The following TTN variants were observed in gnomAD, a reference collection of about 807,000 sequenced individuals.
TTN encodes the protein connectin.
Under a neutral mutation model 3,223.0 loss-of-function variants are expected in TTN, and 1,525 were observed. That is an observed-to-expected ratio of 0.47 (90% CI 0.45 to 0.49). The LOEUF is 0.49. Among genes scored for constraint, TTN ranks in the 20% least tolerant of loss-of-function variants. The pLI is 0.00. For missense variants in TTN, 40,786 were observed against 43,424.0 expected (o/e 0.94, Z 5.40); for synonymous variants, 14,094 against 15,161.0 (o/e 0.93, Z 5.17).
intron 275 of TTN, 34 bp from the exon 276 acceptor site, chr2:178,608,115 C>T (rs1305640239): frequency 6.2e-7 from 1 of 1,606,492 alleles, no homozygotes; most frequent in South Asian, 1.1e-5. Context: ...ATCAAACTCC[C>T]TGATGGTTTT....
Position 178,554,180 on chromosome 2 carries a change from T to C in TTN, c.88931A>G (p.Lys29644Arg). 6.2e-7 allele frequency: 1 copy of C among 1,609,326 alleles called. No individual in the cohort carries two copies. The highest frequency in any genetic ancestry group is 8.5e-7 in the Non-Finnish European group (1 of 1,178,176). The change falls in exon 333 of 363, where the codon AAG becomes AGG. Residue 29644 changes from lysine to arginine, a missense_variant. Physicochemically the swap from Lys to Arg is conservative, Grantham distance 26 (BLOSUM62 2). Coordinates refer to ENST00000589042, the MANE Select transcript of TTN (RefSeq NM_001267550.2). ...AACAGTCATCGAATTCTTGGTAATCTTTGTCACTTCTGGTATGCCTGGTGG... is the reference window on the plus strand; with the variant it reads ...AACAGTCATCGAATTCTTGGTAATCCTTGTCACTTCTGGTATGCCTGGTGG... ...PGPPGIPEVT[K>R]ITKNSMTVVW...
At chr2:178,620,676 A>C in intron 247 of TTN, 39 bp downstream of exon 247, 1 of 1,604,828 alleles carries the variant, frequency 6.2e-7, no homozygotes, top group South Asian at 1.1e-5. Flanking sequence ...TATAACAGAA[A>C]CTGATGAAAA....
Position 178,575,005 on chromosome 2 carries a change from C to A in TTN, c.71127G>T (p.Arg23709Ser). ...CATCACCAACCTCTCCTACAATGTT[C>A]CTTGCTGTTAATGGATAGGGCCCAC... ...SDSGPYPLTA[R>S]NIVGEVGDVI... is the part of the protein sequence containing the mutation. Residue 23709 changes from arginine (R) to serine (S), a missense_variant, in exon 326 of 363, where the codon AGG becomes AGT. Coordinates refer to ENST00000589042, the MANE Select transcript of TTN (RefSeq NM_001267550.2). This position sits in a 1 kb window ranked among gnomAD's most constrained non-coding sequence, Gnocchi z 4.0. 1 of 1,613,352 alleles carries A rather than the reference C, an allele frequency of 6.2e-7. No homozygotes were observed. Among genetic ancestry groups the A allele is most frequent in the African/African-American group, 1.3e-5 (1 of 75,002 alleles).
chr2:178,709,508 G>A, intron 99 of TTN, 58 bp downstream of exon 99: 2 of 1,520,828 alleles, frequency 1.3e-6, no homozygotes, highest in Middle Eastern at 2.0e-4. Flanking sequence ...AATGCTCATG[G>A]ATATATAACA....
chr2:178,577,923 C>A, intron 322 of TTN, 25 bp from the exon 323 acceptor site: 1 of 1,586,024 alleles, frequency 6.3e-7, no homozygotes, highest in Non-Finnish European at 8.6e-7. Flanking sequence ...CAAAACCAGT[C>A]AAACAAATAC....
chr2:178,647,365 T>G lies in TTN; in HGVS notation c.40141+16A>C. 1 of 1,548,828 alleles carries G rather than the reference T, an allele frequency of 6.5e-7. No homozygotes were observed. The highest frequency in any genetic ancestry group is 1.4e-5 in the African/African-American group (1 of 73,070). ...ACAATTGTCATCTTTCCAAGATTTA[T>G]GGAGAAGCCGTGTACCTTCAGCAGG... On this transcript the variant is annotated intron_variant, in intron 214 of 362. Coordinates refer to ENST00000589042, the MANE Select transcript of TTN (RefSeq NM_001267550.2).
In TTN at chr2:178,609,740, G is replaced by A. The variant is rs370644359; in HGVS notation, c.51683C>T (p.Ala17228Val). The change falls in exon 272 of 363, where the codon GCG (alanine) becomes GTG (valine). Residue 17228 changes from alanine (A) to valine (V), a missense_variant. Coordinates refer to ENST00000589042, the MANE Select transcript of TTN (RefSeq NM_001267550.2). ...AGCCCGAGAAGGTTCACTAATACCCGCGGCGTTCTCTGCTCGCACACGGAA... is the reference window on the plus strand; with the variant it reads ...AGCCCGAGAAGGTTCACTAATACCCACGGCGTTCTCTGCTCGCACACGGAA... ...YQFRVRAENA[A>V]GISEPSRATP... The A allele has an allele frequency of 1.1e-4, 176 of 1,612,010 alleles. No homozygotes were observed. The highest frequency in any genetic ancestry group is 1.3e-4 in the Admixed American group (8 of 59,940).
intron 47 of TTN, chr2:178,747,369 C>A: frequency 6.2e-7 from 1 of 1,613,276 alleles, no homozygotes; most frequent in Non-Finnish European, 8.5e-7. Flanking sequence ...TTAGTTATAT[C>A]TGAAGGATTA....
chr2:178,790,760 G>A lies in TTN; in HGVS notation c.1748C>T (p.Ala583Val), dbSNP rs772836198. 3 of 1,614,114 alleles carry A rather than the reference G, an allele frequency of 1.9e-6. No homozygotes were observed. Among genetic ancestry groups the A allele is most frequent in the Non-Finnish European group, 8.5e-7 (1 of 1,180,004 alleles). The change falls in exon 11 of 363, where the codon GCT becomes GTT. Residue 583 changes from alanine (A) to valine (V), a missense_variant. Coordinates refer to ENST00000589042, the MANE Select transcript of TTN (RefSeq NM_001267550.2). ...TTGTTGTGTGGTAGTTTCTTCTTGAGCTCCCGGGACTGTTTCTAGTTTTGT... is the reference window on the plus strand; with the variant it reads ...TTGTTGTGTGGTAGTTTCTTCTTGAACTCCCGGGACTGTTTCTAGTTTTGT... ...KSTKLETVPG[A>V]QEETTTQQDQ...
chr2:178,598,759 C>G lies in TTN; in HGVS notation c.56951G>C (p.Arg18984Thr). Residue 18984 changes from arginine (R) to threonine (T), a missense_variant, in exon 291 of 363, where the codon AGA becomes ACA. Arg to Thr is a moderately conservative substitution (Grantham distance 71). Coordinates refer to ENST00000589042, the MANE Select transcript of TTN (RefSeq NM_001267550.2). Reference protein sequence around the residue: ...ASLPSDPATARDPIAPPGPPF... With the variant: ...ASLPSDPATATDPIAPPGPPF... The stretch of plus-strand genomic sequence containing the variant: ...GTTTCCAGGCTTACCAATTGGATCT[C>G]TAGCAGTCGCTGGGTCTGATGGCAG... 1.9e-6 allele frequency: 3 copies of G among 1,612,848 alleles called. No individual in the cohort carries two copies. Among genetic ancestry groups the G allele is most frequent in the Non-Finnish European group, 2.5e-6 (3 of 1,179,376 alleles).
rs932706599 is a variant in TTN, at chr2:178,599,942, A to G, written c.56051-92T>C. On this transcript the variant is annotated intron_variant, in intron 288 of 362. Transcript: ENST00000589042. ...AGTTACTATAAAGTTGTTTGGATCC[A>G]CTGTAGGCAGACTTTGTAGCTCAGC... The G allele has an allele frequency of 4.1e-6, 5 of 1,224,722 alleles. No homozygotes were observed. In the African/African-American group the frequency reaches 7.6e-5, roughly 19 times the overall value. The allele number at this position is 1,224,722 out of a possible 1,614,324, so 75.9% of individuals were successfully genotyped here. A position where few individuals can be genotyped will look rare whatever the true frequency, so the allele number is the denominator to read the frequency against.
chr2:178,795,734 T>C (rs753387161), intron 6 of TTN, among the ~76,000 whole-genome samples: 54 of 151,558 alleles, frequency 3.6e-4, no homozygotes, highest in African/African-American at 8.9e-4. Flanking sequence ...TTTTTTTTTT[T>C]CCCCTGCAGG....
In TTN at chr2:178,774,809, T is replaced by A; in HGVS notation, c.6790+112A>T. On this transcript the variant is annotated intron_variant, in intron 29 of 362. Coordinates refer to ENST00000589042, the MANE Select transcript of TTN (RefSeq NM_001267550.2). Reference sequence around the variant, plus strand: ...ATGATTCTGGCTATGAAACTTATAGTCAATTTCCAAATAATTGTTTCATGA... The same window carrying A: ...ATGATTCTGGCTATGAAACTTATAGACAATTTCCAAATAATTGTTTCATGA... 3.2e-6 allele frequency: 4 copies of A among 1,252,036 alleles called. No homozygotes were observed. In the South Asian group the frequency reaches 5.4e-5, roughly 17 times the overall value. The allele number at this position is 1,252,036 out of a possible 1,614,324, so 77.6% of individuals were successfully genotyped here.
rs768469221 is a variant in TTN at position 178,636,230 on chromosome 2, G to A, written c.41341C>T (p.Arg13781Cys). ...AKLVVEELPV[R>C]FVKTLEEEVT... ...TCCTCTTCCAGTGTTTTTACAAAAC[G>A]CACAGGAAGTTCTATGGAGAATTTC... Residue 13781 changes from arginine to cysteine, a missense_variant, in exon 226 of 363, where the codon CGT (arginine) becomes TGT (cysteine). Transcript: ENST00000589042. This position sits in a 1 kb window ranked among gnomAD's most constrained non-coding sequence, Gnocchi z 4.3. The A allele has an allele frequency of 1.3e-5, 21 of 1,570,898 alleles. No homozygotes were observed. Among genetic ancestry groups the A allele is most frequent in the South Asian group, 1.3e-4 (11 of 84,236 alleles).
In TTN at chr2:178,534,363, A is replaced by C. The variant is rs2154135852; in HGVS notation, c.102252T>G (p.Val34084=). 1 of 1,611,440 alleles carries C rather than the reference A, an allele frequency of 6.2e-7. No homozygotes were observed. The highest frequency in any genetic ancestry group is 8.5e-7 in the Non-Finnish European group (1 of 1,179,790). ...KQKIERVSTK[V]IRTLKHRRYY... Reference sequence around the variant, plus strand: ...AACGCCGGTGTTTTAATGTTCTGATAACTTTAGTACTGACTCTTTCTATCT... The same window carrying C: ...AACGCCGGTGTTTTAATGTTCTGATCACTTTAGTACTGACTCTTTCTATCT... The change falls in exon 358 of 363, where the codon GTT becomes GTG. Residue 34084 remains valine (V), a synonymous_variant. Coordinates refer to ENST00000589042, the MANE Select transcript of TTN (RefSeq NM_001267550.2).
intron 30 of TTN, 24 bp from the exon 31 acceptor site, chr2:178,774,134 A>G: frequency 6.2e-7 from 1 of 1,614,090 alleles, no homozygotes; most frequent in Non-Finnish European, 8.5e-7. Context: ...GGAGAAAAAG[A>G]ATGTTATGAT....
chr2:178,778,775 T>C (rs2092486797), intron 24 of TTN, 99 bp downstream of exon 24: 2 of 1,541,044 alleles, frequency 1.3e-6, no homozygotes, highest in Non-Finnish European at 1.8e-6. Context: ...TGTGCCATTT[T>C]AGCCCTCGAT....
intron 330 of TTN, chr2:178,556,431 AAAACAAACAAAC>A (rs372018605): frequency 4.6e-6 from 1 of 215,328 alleles, no homozygotes; most frequent in Non-Finnish European, 8.9e-6. Flanking sequence ...ACTCTGTCTC[AAAACAAACAAAC>A]AAACAAACAA....
At chr2:178,800,760 C>T (rs1015405633) in intron 3 of TTN, 78 bp from the exon 4 acceptor site, 2 of 1,476,628 alleles carry the variant, frequency 1.4e-6, no homozygotes, top group Admixed American at 2.2e-5. Flanking sequence ...ATCACAGCTC[C>T]AATTCCAAAA....
Sources: gnomAD v4.1 joint callset for allele counts (sites outside exome capture counted in the v4.1 genomes callset) on GRCh38, gnomAD v4.1.1 for gene constraint, Gnocchi (gnomAD v3.1) non-coding constraint, MANE v1.5 for transcripts, NCBI Gene and HGNC (gene_info 2026-07-23, HGNC 2026-07-21) for gene names.